The following STK10 variants were observed in gnomAD, a reference collection of about 807,000 sequenced individuals.
STK10 encodes serine/threonine kinase 10, also known as serine/threonine-protein kinase 10.
STK10 carries 78 observed loss-of-function variants against 113.8 expected under a neutral mutation model. The ratio of observed to expected loss-of-function variants is 0.69; its 90% CI spans 0.57 to 0.83. The LOEUF (loss-of-function observed/expected upper bound fraction) is 0.83, where lower values mean the gene tolerates loss of function less well. STK10 is among the 40% of genes least tolerant of loss of function. STK10 has a pLI of 0.00. For missense variants in STK10, 1,109 were observed against 1,280.1 expected, an observed-to-expected ratio of 0.87 and a Z score of 2.04; for synonymous variants, 465 against 494.7, an observed-to-expected ratio of 0.94 and a Z score of 0.80.
chr5:172,165,494 C>T (rs1336767244), intron 1 of STK10, among the ~76,000 whole-genome samples: 1 of 152,144 alleles, frequency 6.6e-6, no homozygotes, highest in Non-Finnish European at 1.5e-5. Flanking sequence ...GGGAAATTGA[C>T]CCTGGGGCTG....
intron 2 of STK10, among the ~76,000 whole-genome samples, chr5:172,151,112 C>A (rs1022640019): frequency 6.6e-6 from 1 of 152,220 alleles, no homozygotes; most frequent in African/African-American, 2.4e-5. Flanking sequence ...CTGATACTTA[C>A]CGAAGTTTCT....
chr5:172,114,459 ATATATATATATATATTTTTT>A (rs1769322609), intron 4 of STK10: 1 of 27,774 alleles, frequency 3.6e-5, no homozygotes, highest in African/African-American at 1.5e-4. Flanking sequence ...TTATATATAT[ATATATATATATATATTTTTT>A]TTTTTTTTTT....
chr5:172,107,477 G>T (rs1042162560), intron 5 of STK10, among the ~76,000 whole-genome samples: 1 of 152,164 alleles, frequency 6.6e-6, no homozygotes, highest in Admixed American at 6.5e-5. Context: ...AATAAATCAC[G>T]AACTGAATCC....
At chr5:172,111,098 C>G (rs1769228037) in intron 4 of STK10, among the ~76,000 whole-genome samples, 1 of 152,138 alleles carries the variant, frequency 6.6e-6, no homozygotes, top group African/African-American at 2.4e-5. Flanking sequence ...GCAGGAAACC[C>G]AGGTAGAGCC....
At position 172,188,121 on chromosome 5, in the gene STK10, G is replaced by A. The variant is rs1770995080; in HGVS notation, c.-79C>T. On this transcript the variant is annotated 5_prime_UTR_variant, in exon 1 of 19. Coordinates refer to ENST00000176763, the MANE Select transcript of STK10 (RefSeq NM_005990.4). The surrounding 1 kb of genome is among the most constrained non-coding windows in gnomAD (Gnocchi z 5.6). ...CTTCGGCGGCCGCGAGGAGAAGGAG[G>A]AGGAGTTGGAGGACGCCGCGTCTCT... 4.6e-6 allele frequency: 7 copies of A among 1,531,862 alleles called. No individual in the cohort carries two copies. The highest frequency in any genetic ancestry group is 6.1e-6 in the Non-Finnish European group (7 of 1,139,650). 94.9% of individuals were successfully genotyped at this position (1,531,862 alleles called of 1,614,324 possible).
Position 172,164,458 on chromosome 5 carries a change from C to T in STK10, c.157-7670G>A, listed in dbSNP as rs562347736. On this transcript the variant is annotated intron_variant, in intron 1 of 18. Coordinates refer to ENST00000176763, the MANE Select transcript of STK10 (RefSeq NM_005990.4). ...AACTTTTACAACTCTCTATTAAGGG[C>T]TTTATTTTATATATAAGAAAACCGA... is the stretch of plus-strand genomic sequence containing the variant. 2.6e-5 allele frequency among the ~76,000 whole-genome samples: 4 copies of T among 152,232 alleles called. No individual in the cohort carries two copies. In the South Asian group the frequency reaches 8.3e-4, roughly 32 times the overall value.
intron 2 of STK10, among the ~76,000 whole-genome samples, chr5:172,137,326 CATATTCAACTATTAAAAGAGAGATT>C (rs370848878): frequency 4.9e-4 from 75 of 152,130 alleles, no homozygotes; most frequent in African/African-American, 1.7e-3. Context: ...ACTTGCGAAT[CATATTCAACTATTAAAAGAGAGATT>C]ACACCATGAT....
intron 10 of STK10, among the ~76,000 whole-genome samples, chr5:172,083,925 G>GAAAAAAAAAAAAAAAAA (rs58326550): frequency 1.2e-5 from 1 of 85,754 alleles, no homozygotes; most frequent in Non-Finnish European, 2.6e-5. Context: ...ACAAAAAAAA[G>GAAAAAAAAAAAAAAAAA]AAAAAAAAAA....
intron 2 of STK10, among the ~76,000 whole-genome samples, chr5:172,152,672 C>T (rs145876506): frequency 8.6e-4 from 131 of 152,308 alleles, no homozygotes; most frequent in Admixed American, 1.3e-3. Flanking sequence ...GGTTCAGTTA[C>T]TGGGAAACGT....
At position 172,082,292 on chromosome 5, in the gene STK10, G is replaced by A. The variant is rs1475910743; in HGVS notation, c.1989+34C>T. The A allele has an allele frequency of 9.5e-6, 14 of 1,476,586 alleles. 1 individual carries two copies. Among genetic ancestry groups the A allele is most frequent in the South Asian group, 8.5e-5 (6 of 70,708 alleles). 91.5% of individuals were successfully genotyped at this position (1,476,586 alleles called of 1,614,324 possible). On this transcript the variant is annotated intron_variant, in intron 12 of 18. Transcript: ENST00000176763. The surrounding 1 kb of genome is among the most constrained non-coding windows in gnomAD (Gnocchi z 4.3). ...CAACCAAGAAGGCCCCTAATACTCC[G>A]AGATGCCCCTGCCCCCACTGAGCAC...
At chr5:172,168,423 C>T (rs936512880) in intron 1 of STK10, among the ~76,000 whole-genome samples, 1 of 152,104 alleles carries the variant, frequency 6.6e-6, no homozygotes, top group Non-Finnish European at 1.5e-5. Context: ...GACACAGAGC[C>T]GGGGTGGCCA....
rs528378267 is a variant in STK10 at position 172,156,940 on chromosome 5, C to T, written c.157-152G>A. On this transcript the variant is annotated intron_variant, in intron 1 of 18. Coordinates refer to ENST00000176763, the MANE Select transcript of STK10 (RefSeq NM_005990.4). ...TACATTGTTCTTAACAATAGCCACA[C>T]ATCATGTCTGTACTTAAGAGTAAGT... 1.9e-5 allele frequency: 16 copies of T among 834,888 alleles called. No homozygotes were observed. The East Asian group carries it at 4.0e-4, about 21-fold the overall frequency. The allele number at this position is 834,888 out of a possible 1,614,324, so 51.7% of individuals were successfully genotyped here. A position where few individuals can be genotyped will look rare whatever the true frequency, so the allele number is the denominator to read the frequency against.
intron 15 of STK10, among the ~76,000 whole-genome samples, chr5:172,056,221 T>G (rs936219554): frequency 2.0e-5 from 3 of 152,232 alleles, no homozygotes; most frequent in Admixed American, 2.0e-4. Context: ...ATTTCTTCAC[T>G]TGGTTGGGTA....
At position 172,188,142 on chromosome 5, in the gene STK10, T is replaced by C; in HGVS notation, c.-100A>G. The C allele has an allele frequency of 6.7e-7, 1 of 1,493,876 alleles. No homozygotes were observed. Among genetic ancestry groups the C allele is most frequent in the East Asian group, 2.5e-5 (1 of 40,486 alleles). 92.5% of individuals were successfully genotyped at this position (1,493,876 alleles called of 1,614,324 possible). On this transcript the variant is annotated 5_prime_UTR_variant, in exon 1 of 19. Transcript: ENST00000176763. The surrounding 1 kb of genome is among the most constrained non-coding windows in gnomAD (Gnocchi z 5.6). Reference sequence around the variant, plus strand: ...GGAGGAGGAGTTGGAGGACGCCGCGTCTCTCGGGGTTCTCCCCAGACCCGC... The same window carrying C: ...GGAGGAGGAGTTGGAGGACGCCGCGCCTCTCGGGGTTCTCCCCAGACCCGC...
intron 12 of STK10, among the ~76,000 whole-genome samples, chr5:172,072,590 A>C (rs917984454): frequency 6.6e-6 from 1 of 152,096 alleles, no homozygotes; most frequent in Admixed American, 6.6e-5. Flanking sequence ...TTTTAACCTC[A>C]GCTTCTGCGT....
chr5:172,098,209 A>G (rs1239744852), intron 7 of STK10, among the ~76,000 whole-genome samples: 1 of 152,220 alleles, frequency 6.6e-6, no homozygotes, highest in Non-Finnish European at 1.5e-5. Flanking sequence ...TTCATCACAA[A>G]TCATTCTTAT....
At chr5:172,048,791 T>C (rs1278977692) in intron 18 of STK10, among the ~76,000 whole-genome samples, 1 of 143,892 alleles carries the variant, frequency 6.9e-6, no homozygotes, top group Admixed American at 6.8e-5. Context: ...CTCCAGTGGC[T>C]TCCATCTCAC....
At chr5:172,112,438 T>TC (rs1191653084) in intron 4 of STK10, among the ~76,000 whole-genome samples, 7 of 141,470 alleles carry the variant, frequency 4.9e-5, no homozygotes, top group African/African-American at 1.6e-4. Context: ...TTTTTTTTTT[T>TC]TGAGACAGAG....
chr5:172,096,420 C>A lies in STK10; in HGVS notation c.1005+6G>T. 3.1e-6 allele frequency: 5 copies of A among 1,611,314 alleles called. No individual in the cohort carries two copies. Among genetic ancestry groups the A allele is most frequent in the Non-Finnish European group, 4.2e-6 (5 of 1,179,928 alleles). On this transcript the variant is annotated splice_donor_region_variant and intron_variant, in intron 8 of 18. Transcript: ENST00000176763. ...CCCCGCTAAGCCCCACTCTCCCTGGCCTTACGGAGGCGGCATCCACGGCGT... is the reference window on the plus strand; with the variant it reads ...CCCCGCTAAGCCCCACTCTCCCTGGACTTACGGAGGCGGCATCCACGGCGT...
Sources: allele counts gnomAD v4.1 joint callset (sites outside exome capture counted in the v4.1 genomes callset), GRCh38; gene constraint gnomAD v4.1.1; non-coding constraint Gnocchi (gnomAD v3.1); transcripts MANE v1.5; gene names NCBI Gene and HGNC (gene_info 2026-07-23, HGNC 2026-07-21).